PKHD1: variants seen among roughly 807,000 people sequenced by gnomAD.
PKHD1 encodes PKHD1 ciliary IPT domain containing fibrocystin/polyductin, also known as fibrocystin.
PKHD1 carries 291 observed loss-of-function variants against 412.0 expected under a neutral mutation model. That is an observed-to-expected ratio of 0.71 (90% CI 0.64 to 0.78). The LOEUF (loss-of-function observed/expected upper bound fraction) is 0.78. Among genes scored for constraint, PKHD1 ranks in the 30% least tolerant of loss-of-function variants. The pLI, the probability that PKHD1 is intolerant of heterozygous loss-of-function variation, is 0.00. For missense variants in PKHD1, 4,825 were observed against 4,950.7 expected (o/e 0.97, Z 0.76); for synonymous variants, 1,777 against 1,821.5 (o/e 0.98, Z 0.62).
At chr6:51,831,017 T>C in intron 51 of PKHD1, 28 bp from the exon 52 acceptor site, 1 of 1,586,940 alleles carries the variant, frequency 6.3e-7, no homozygotes, top group Non-Finnish European at 8.6e-7. Flanking sequence ...ATTTTGAAAA[T>C]CTAATCCATT....
intron 48 of PKHD1, among the ~76,000 whole-genome samples, chr6:51,862,415 C>T (rs1018673161): frequency 5.3e-5 from 8 of 152,070 alleles, no homozygotes; most frequent in African/African-American, 1.7e-4. Context: ...ATTCTGTAAC[C>T]TTTGCTGCCA....
intron 51 of PKHD1, among the ~76,000 whole-genome samples, chr6:51,835,253 T>C (rs959553936): frequency 1.3e-5 from 2 of 152,144 alleles, no homozygotes; most frequent in African/African-American, 2.4e-5. Context: ...CATTCATAGA[T>C]GGTCCAGTAT....
intron 35 of PKHD1, among the ~76,000 whole-genome samples, chr6:51,977,695 C>A (rs1291974123): frequency 6.6e-6 from 1 of 152,172 alleles, no homozygotes; most frequent in Non-Finnish European, 1.5e-5. Context: ...ACTACCTAAG[C>A]CAGATGAGTG....
chr6:52,058,388 C>A lies in PKHD1; in HGVS notation c.1447G>T (p.Val483Phe). ...TGCTTCTCCCGTAGGTAAGTGGTGA[C>A]CACATCAGGATTCAGCCAGGTGTTG... Reference protein sequence around the residue: ...IHNTWLNPDVVTTYLREKHQI... With the variant: ...IHNTWLNPDVFTTYLREKHQI... The change falls in exon 16 of 67, where the codon GTC becomes TTC. Residue 483 changes from valine to phenylalanine, a missense_variant. Transcript: ENST00000371117. 1 of 1,614,134 alleles carries A rather than the reference C, an allele frequency of 6.2e-7. No homozygotes were observed. The highest frequency in any genetic ancestry group is 8.5e-7 in the Non-Finnish European group (1 of 1,180,012).
chr6:51,993,052 T>A (rs2128076737), intron 35 of PKHD1, among the ~76,000 whole-genome samples: 1 of 152,350 alleles, frequency 6.6e-6, no homozygotes, highest in South Asian at 2.1e-4. Context: ...GCTGGTAGAA[T>A]CCTGCACTAC....
At chr6:52,083,093 A>G in intron 3 of PKHD1, 85 bp downstream of exon 3, 1 of 954,192 alleles carries the variant, frequency 1.0e-6, no homozygotes, top group South Asian at 1.3e-5. Flanking sequence ...CTGTCCTTAG[A>G]AAAGGAAGAA....
At position 51,855,964 on chromosome 6, in the gene PKHD1, TCCAGCCAC is replaced by T. The variant is rs766384703; in HGVS notation, c.7832_7839del (p.Arg2611HisfsTer15). 1 of 1,613,602 alleles carries T rather than the reference TCCAGCCAC, an allele frequency of 6.2e-7. No homozygotes were observed. ...GTCTCTTGGTCCAAGAGCAGAGCCA[TCCAGCCAC>T]GAGGGTTAGACAATGTATCACGTAC... On this transcript the variant is annotated frameshift_variant, in exon 49 of 67. Coordinates refer to ENST00000371117, the MANE Select transcript of PKHD1 (RefSeq NM_138694.4). LOFTEE classifies it high-confidence loss of function.
chr6:51,944,300 C>T (rs979684229), intron 36 of PKHD1, among the ~76,000 whole-genome samples: 7 of 151,694 alleles, frequency 4.6e-5, no homozygotes, highest in South Asian at 2.1e-4. Context: ...TCTTATAAAA[C>T]GGCCCCGCCC....
At chr6:51,871,952 C>T (rs535019209) in intron 46 of PKHD1, among the ~76,000 whole-genome samples, 1 of 55,182 alleles carries the variant, frequency 1.8e-5, no homozygotes, top group African/African-American at 4.7e-5. Context: ...AATTAATGGC[C>T]TTGGAGAAAT....
At chr6:52,050,130 G>C (rs753611503) in intron 22 of PKHD1, 27 bp downstream of exon 22, 3 of 1,612,004 alleles carry the variant, frequency 1.9e-6, no homozygotes, top group Non-Finnish European at 2.5e-6. Context: ...TAGGAGAAGG[G>C]ACAGGTGTAA....
chr6:51,814,648 A>G (rs1765173887), intron 52 of PKHD1, among the ~76,000 whole-genome samples: 1 of 152,186 alleles, frequency 6.6e-6, no homozygotes, highest in Non-Finnish European at 1.5e-5. Context: ...CTGATTGGCA[A>G]GCCACACCAG....
chr6:51,842,099 A>G (rs1028891432), intron 50 of PKHD1, among the ~76,000 whole-genome samples: 6 of 152,196 alleles, frequency 3.9e-5, no homozygotes, highest in Admixed American at 6.5e-5. Flanking sequence ...GGTGAGGCGG[A>G]CATTTGGACA....
intron 36 of PKHD1, among the ~76,000 whole-genome samples, chr6:51,937,600 C>T (rs1787713908): frequency 6.6e-6 from 1 of 152,156 alleles, no homozygotes; most frequent in African/African-American, 2.4e-5. Context: ...TTCTAAAGCC[C>T]AAGCCATATG....
chr6:51,655,683 G>A (rs1224624287), intron 61 of PKHD1, among the ~76,000 whole-genome samples: 1 of 152,132 alleles, frequency 6.6e-6, no homozygotes, highest in African/African-American at 2.4e-5. Flanking sequence ...CAGGAGTCCA[G>A]ACAGGCTTGG....
intron 53 of PKHD1, among the ~76,000 whole-genome samples, chr6:51,777,369 G>T (rs1791199996): frequency 1.3e-5 from 2 of 152,130 alleles, no homozygotes; most frequent in Admixed American, 1.3e-4. Flanking sequence ...GCAAGATTCA[G>T]ACAGGTAAGT....
intron 50 of PKHD1, among the ~76,000 whole-genome samples, chr6:51,840,196 G>C (rs1296466549): frequency 1.3e-5 from 2 of 152,074 alleles, no homozygotes; most frequent in East Asian, 3.8e-4. Flanking sequence ...AGGCTTGCTT[G>C]TCAGTTAGTC....
At chr6:51,746,156 A>G (rs1212049798) in intron 59 of PKHD1, among the ~76,000 whole-genome samples, 1 of 152,194 alleles carries the variant, frequency 6.6e-6, no homozygotes, top group Non-Finnish European at 1.5e-5. Context: ...ATCATATGTC[A>G]GAAAACAGTA....
At chr6:51,755,891 T>C (rs919037644) in intron 55 of PKHD1, among the ~76,000 whole-genome samples, 1 of 151,734 alleles carries the variant, frequency 6.6e-6, no homozygotes, top group Non-Finnish European at 1.5e-5. Flanking sequence ...ATGTCATTTG[T>C]ATTAAAATAC....
intron 36 of PKHD1, among the ~76,000 whole-genome samples, chr6:51,943,869 A>C (rs1789000593): frequency 6.6e-6 from 1 of 151,476 alleles, no homozygotes; most frequent in Non-Finnish European, 1.5e-5. Context: ...CGCTCGAAGC[A>C]GCCCTGAGAA....
Sources: gnomAD v4.1 joint callset for allele counts (sites outside exome capture counted in the v4.1 genomes callset) on GRCh38, gnomAD v4.1.1 for gene constraint, MANE v1.5 for transcripts, NCBI Gene and HGNC (gene_info 2026-07-23, HGNC 2026-07-21) for gene names.